The following CCDC39 variants were observed in gnomAD, a reference collection of about 807,000 sequenced individuals.
CCDC39 encodes the protein coiled-coil domain 39 molecular ruler complex subunit, also known as coiled-coil domain-containing protein 39.
A neutral mutation model predicts 121.0 loss-of-function variants in CCDC39; 113 were observed. The observed-to-expected ratio is 0.93, with a 90% CI of 0.80 to 1.09. The LOEUF (loss-of-function observed/expected upper bound fraction) is 1.09. Ranked by LOEUF, CCDC39 falls within the 50% of genes least tolerant of loss-of-function variation. CCDC39 has a pLI of 0.00. For missense variants in CCDC39, 1,063 were observed against 1,074.7 expected (o/e 0.99, Z 0.15); for synonymous variants, 349 against 352.2 (o/e 0.99, Z 0.10).
chr3:180,656,627 C>A (rs146191386), intron 6 of CCDC39, among the ~76,000 whole-genome samples: 1 of 152,152 alleles, frequency 6.6e-6, no homozygotes, highest in African/African-American at 2.4e-5. Flanking sequence ...CATTCCCAGA[C>A]AGGCAATCTA....
chr3:180,636,558 T>G (rs1421677318), intron 13 of CCDC39, among the ~76,000 whole-genome samples: 1 of 152,216 alleles, frequency 6.6e-6, no homozygotes, highest in Non-Finnish European at 1.5e-5. Flanking sequence ...ACCAATGACA[T>G]TTTTATAGAA....
intron 16 of CCDC39, chr3:180,617,309 C>T: frequency 4.1e-6 from 2 of 488,518 alleles, no homozygotes; most frequent in Non-Finnish European, 7.2e-6. Flanking sequence ...GTGCATAATA[C>T]TTGATAGTGA....
chr3:180,667,771 A>T (rs1711925173), intron 1 of CCDC39, among the ~76,000 whole-genome samples: 1 of 152,196 alleles, frequency 6.6e-6, no homozygotes, highest in Admixed American at 6.5e-5. Flanking sequence ...TGAAGGCCCA[A>T]AGTTGACATT....
intron 6 of CCDC39, among the ~76,000 whole-genome samples, chr3:180,658,096 G>A (rs556451167): frequency 3.4e-4 from 51 of 151,940 alleles, no homozygotes; most frequent in African/African-American, 1.2e-3. Flanking sequence ...AAAATTAGCT[G>A]GGCGTGGTGG....
chr3:180,644,320 AT>A, intron 11 of CCDC39, 63 bp from the exon 12 acceptor site: 9 of 956,100 alleles, frequency 9.4e-6, no homozygotes, highest in South Asian at 1.7e-5. Context: ...TATTAAATAC[AT>A]GCTGTATTAT....
intron 6 of CCDC39, among the ~76,000 whole-genome samples, chr3:180,655,157 GTC>G (rs1269453668): frequency 5.3e-5 from 8 of 151,914 alleles, no homozygotes; most frequent in South Asian, 2.1e-4. Context: ...ATTGTTAAAT[GTC>G]TCTGTTTTCT....
chr3:180,616,986 A>G lies in CCDC39; in HGVS notation c.2266-20T>C, dbSNP rs1429945767. 4 of 1,207,776 alleles carry G rather than the reference A, an allele frequency of 3.3e-6. No individual in the cohort carries two copies. The highest frequency in any genetic ancestry group is 1.6e-5 in the African/African-American group (1 of 62,942). The allele number at this position is 1,207,776 out of a possible 1,614,324, so 74.8% of individuals were successfully genotyped here. ...CATGCTCTGTAGAAAAAATATTAAC[A>G]TGTATTTTTTAGAATCAGAAATTGA... On this transcript the variant is annotated intron_variant, in intron 16 of 19. Transcript: ENST00000476379.
intron 1 of CCDC39, among the ~76,000 whole-genome samples, chr3:180,670,639 C>CTTTTTTTTTTTTTTTTTCT (rs573623299): frequency 8.3e-6 from 1 of 120,430 alleles, no homozygotes; most frequent in Non-Finnish European, 1.8e-5. Context: ...TTTTTTTTCT[C>CTTTTTTTTTTTTTTTTTCT]TTTTTTTTTT....
chr3:180,647,226 T>C lies in CCDC39; in HGVS notation c.1380A>G (p.Gln460=), dbSNP rs773037832. The change falls in exon 11 of 20, where the codon CAA becomes CAG. Residue 460 remains glutamine, a synonymous_variant. Coordinates refer to ENST00000476379, the MANE Select transcript of CCDC39 (RefSeq NM_181426.2). ...TTAACCGTGACATTCTCCGTTCCAC[T>C]TGTTGAATGTGAAAATCCTGTTACA... ...IMYSQDFHIQ[Q]VERRMSRLKG... 4 of 1,599,806 alleles carry C rather than the reference T, an allele frequency of 2.5e-6. No homozygotes were observed. In the South Asian group the frequency reaches 4.6e-5, roughly 18 times the overall value.
chr3:180,618,054 A>C (rs1318267855), intron 16 of CCDC39, among the ~76,000 whole-genome samples: 1 of 152,094 alleles, frequency 6.6e-6, no homozygotes, highest in East Asian at 1.9e-4. Flanking sequence ...CACAAGTACC[A>C]CTGTGTTACA....
intron 13 of CCDC39, among the ~76,000 whole-genome samples, chr3:180,640,514 A>G (rs927364224): frequency 5.9e-5 from 9 of 152,096 alleles, no homozygotes; most frequent in African/African-American, 2.2e-4. Flanking sequence ...TCCTTTCCAA[A>G]TAATGTTAAT....
rs1001562342 is a variant in CCDC39, at chr3:180,676,821, A to T, written c.90+2470T>A. ...GAATACTATGCAGCCATAAAAAATG[A>T]TGAGTTCATGTCCTTTGTAGGGACA... is the stretch of plus-strand genomic sequence containing the variant. On this transcript the variant is annotated intron_variant, in intron 1 of 19. Transcript: ENST00000476379. 3.3e-4 allele frequency among the ~76,000 whole-genome samples: 51 copies of T among 152,270 alleles called. 2 individuals are homozygous for T. Among genetic ancestry groups the T allele is most frequent in the African/African-American group, 1.2e-3 (51 of 41,558 alleles).
At position 180,641,202 on chromosome 3, in the gene CCDC39, AT is replaced by A. The variant is rs373673693; in HGVS notation, c.1874+790del. Among the ~76,000 whole-genome samples the A allele has an allele frequency of 6.1e-3, 929 of 152,248 alleles. 16 individuals are homozygous for A. Among genetic ancestry groups the A allele is most frequent in the African/African-American group, 0.02 (831 of 41,588 alleles). On this transcript the variant is annotated intron_variant, in intron 13 of 19. Coordinates refer to ENST00000476379, the MANE Select transcript of CCDC39 (RefSeq NM_181426.2). The stretch of plus-strand genomic sequence containing the variant: ...TCAATAAGTGCTGAGAAAGCATATA[AT>A]AAAAGTCAACATCCATTCTTGATTA...
In CCDC39 at chr3:180,660,730, T is replaced by C; in HGVS notation, c.358-2A>G. On this transcript the variant is annotated splice_acceptor_variant, in intron 3 of 19. Transcript: ENST00000476379. LOFTEE classifies it high-confidence loss of function. ...TTGAGTGGCTTTAAATATGCCATTC[T>C]AATTTCCAAAGAGAGAGAGAAAAGG... is the stretch of plus-strand genomic sequence containing the variant. 1.9e-6 allele frequency: 3 copies of C among 1,596,330 alleles called. No individual in the cohort carries two copies. The highest frequency in any genetic ancestry group is 2.6e-6 in the Non-Finnish European group (3 of 1,170,044).
intron 13 of CCDC39, among the ~76,000 whole-genome samples, chr3:180,633,516 A>G (rs982938229): frequency 1.3e-5 from 2 of 152,198 alleles, no homozygotes; most frequent in Admixed American, 6.5e-5. Flanking sequence ...AGTGAAGAAT[A>G]AAGATTTAAT....
At chr3:180,662,044 A>G (rs774421388) in intron 2 of CCDC39, 37 bp from the exon 3 acceptor site, 4 of 1,499,676 alleles carry the variant, frequency 2.7e-6, no homozygotes, top group Non-Finnish European at 3.6e-6. Context: ...GGCTTTTAAA[A>G]TTTTAGAAAT....
intron 14 of CCDC39, among the ~76,000 whole-genome samples, chr3:180,621,433 C>A (rs564182929): frequency 7.2e-5 from 11 of 152,180 alleles, no homozygotes; most frequent in Non-Finnish European, 1.3e-4. Context: ...CTCTTGTTTT[C>A]TGTCTTTCTA....
chr3:180,635,655 C>T (rs539406876), intron 13 of CCDC39, among the ~76,000 whole-genome samples: 126 of 152,288 alleles, frequency 8.3e-4, no homozygotes, highest in African/African-American at 2.9e-3. Context: ...CCAGGGCACA[C>T]TGATACATGG....
chr3:180,675,896 G>C (rs983619473), intron 1 of CCDC39, among the ~76,000 whole-genome samples: 1 of 143,168 alleles, frequency 7.0e-6, no homozygotes, highest in Non-Finnish European at 1.5e-5. Flanking sequence ...AAATGGGGAA[G>C]GGATTCCCTA....
Sources: allele counts gnomAD v4.1 joint callset (sites outside exome capture counted in the v4.1 genomes callset), GRCh38; gene constraint gnomAD v4.1.1; transcripts MANE v1.5; gene names NCBI Gene and HGNC (gene_info 2026-07-23, HGNC 2026-07-21).